The following ANKS1A variants were observed in gnomAD, a reference collection of about 807,000 sequenced individuals.
ANKS1A encodes the protein ankyrin repeat and sterile alpha motif domain containing 1A, also known as ankyrin repeat and SAM domain-containing protein 1A.
ANKS1A carries 55 observed loss-of-function variants against 120.3 expected under a neutral mutation model. The ratio of observed to expected loss-of-function variants is 0.46; its 90% CI spans 0.37 to 0.57. ANKS1A has a LOEUF of 0.57. Ranked by LOEUF, ANKS1A falls within the 20% of genes least tolerant of loss-of-function variation. The pLI is 0.00. For synonymous variants in ANKS1A, 590 were observed against 604.7 expected (o/e 0.98, Z 0.36); for missense variants, 1,123 against 1,480.3 (o/e 0.76, Z 3.96).
intron 1 of ANKS1A, among the ~76,000 whole-genome samples, chr6:34,924,090 C>CGTGTGTGT (rs71794086): frequency 0.042 from 5,981 of 143,176 alleles, 177 homozygotes; most frequent in East Asian, 0.081. Flanking sequence ...GGGGCTTTTT[C>CGTGTGTGT]GTGTGTGTGT....
intron 1 of ANKS1A, among the ~76,000 whole-genome samples, chr6:34,955,602 C>T (rs571477744): frequency 1.3e-5 from 2 of 152,220 alleles, no homozygotes; most frequent in South Asian, 4.1e-4. Flanking sequence ...CAGATATGGT[C>T]TCTAGGCCTG....
the ANKS1A span, among the ~76,000 whole-genome samples, chr6:35,097,365 C>T: frequency 3.3e-5 from 5 of 151,954 alleles, no homozygotes; most frequent in African/African-American, 9.7e-5. Flanking sequence ...AGAAATTAAC[C>T]GGGCATGGTG....
intron 10 of ANKS1A, among the ~76,000 whole-genome samples, chr6:35,017,170 T>C (rs990502969): frequency 2.0e-5 from 3 of 152,164 alleles, no homozygotes; most frequent in Non-Finnish European, 4.4e-5. Context: ...TATAGCAAGG[T>C]CTGGTCGTTA....
chr6:35,021,553 T>C (rs767858443), intron 11 of ANKS1A, among the ~76,000 whole-genome samples: 1 of 152,188 alleles, frequency 6.6e-6, no homozygotes, highest in Admixed American at 6.5e-5. Flanking sequence ...GTTTTACCAA[T>C]TAGAGATGTG....
At chr6:35,034,446 C>T (rs1401308544) in intron 11 of ANKS1A, among the ~76,000 whole-genome samples, 1 of 152,294 alleles carries the variant, frequency 6.6e-6, no homozygotes, top group East Asian at 1.9e-4. Flanking sequence ...GCAGGGCACT[C>T]ATTGACGTTA....
At chr6:34,961,977 A>C (rs1010956784) in intron 1 of ANKS1A, among the ~76,000 whole-genome samples, 10 of 152,168 alleles carry the variant, frequency 6.6e-5, no homozygotes, top group Non-Finnish European at 1.3e-4. Context: ...ATTTGGGGCA[A>C]ATAATTTGTT....
chr6:34,976,777 CGTGTGTGT>C (rs34002253), intron 3 of ANKS1A, among the ~76,000 whole-genome samples: 7 of 149,278 alleles, frequency 4.7e-5, no homozygotes, highest in South Asian at 2.1e-4. Flanking sequence ...TGTGTGTGTG[CGTGTGTGT>C]GTGTGTGTGT....
At chr6:35,013,442 G>A (rs183068906) in intron 10 of ANKS1A, among the ~76,000 whole-genome samples, 88 of 152,140 alleles carry the variant, frequency 5.8e-4, no homozygotes, top group African/African-American at 2.0e-3. Flanking sequence ...CAGCAGGTGT[G>A]CACCACCACA....
chr6:35,003,387 G>A (rs757081250), intron 10 of ANKS1A, among the ~76,000 whole-genome samples: 24 of 152,124 alleles, frequency 1.6e-4, no homozygotes, highest in Non-Finnish European at 3.2e-4. Flanking sequence ...ATTGGCTCTC[G>A]ACTACTTGCT....
At chr6:35,096,546 A>T in the ANKS1A span, among the ~76,000 whole-genome samples, 1 of 152,362 alleles carries the variant, frequency 6.6e-6, no homozygotes, top group African/African-American at 2.4e-5. Context: ...GCGTGTCTGT[A>T]AATGATTTGG....
intron 11 of ANKS1A, among the ~76,000 whole-genome samples, chr6:35,038,465 T>C (rs1775292017): frequency 6.6e-6 from 1 of 152,100 alleles, no homozygotes; most frequent in African/African-American, 2.4e-5. Flanking sequence ...CTGATTATGT[T>C]CATTCTTTCC....
intron 9 of ANKS1A, among the ~76,000 whole-genome samples, chr6:34,991,234 G>C (rs529448041): frequency 7.2e-5 from 11 of 152,254 alleles, no homozygotes; most frequent in Admixed American, 2.6e-4. Flanking sequence ...GTGCTTATCA[G>C]ATTAATGACC....
intron 1 of ANKS1A, among the ~76,000 whole-genome samples, chr6:34,890,232 C>G (rs1285892594): frequency 1.3e-5 from 2 of 152,072 alleles, no homozygotes; most frequent in Non-Finnish European, 2.9e-5. Flanking sequence ...GCTGGGATTA[C>G]AGGCGCCCGC....
At chr6:34,924,721 G>T (rs888254390) in intron 1 of ANKS1A, among the ~76,000 whole-genome samples, 4 of 152,202 alleles carry the variant, frequency 2.6e-5, no homozygotes, top group African/African-American at 9.7e-5. Flanking sequence ...ATTAGAACAA[G>T]CATCGGAATA....
intron 10 of ANKS1A, among the ~76,000 whole-genome samples, chr6:35,014,477 T>C (rs1436848354): frequency 6.6e-6 from 1 of 152,188 alleles, no homozygotes; most frequent in Middle Eastern, 3.2e-3. Context: ...CCTTGGCATG[T>C]GTCTGGTATT....
At position 34,911,943 on chromosome 6, in the gene ANKS1A, C is replaced by T. The variant is rs536618143; in HGVS notation, c.197+22344C>T. Among the ~76,000 whole-genome samples the T allele has an allele frequency of 4.6e-5, 7 of 152,178 alleles. No homozygotes were observed. The East Asian group carries it at 9.6e-4, about 21-fold the overall frequency. On this transcript the variant is annotated intron_variant, in intron 1 of 23. Transcript: ENST00000360359. ...AGTGCTGTGAGCCACCAAGAGTTTCCGCCATTCTAGTTTTCAGGTTGTGTT... is the reference window on the plus strand; with the variant it reads ...AGTGCTGTGAGCCACCAAGAGTTTCTGCCATTCTAGTTTTCAGGTTGTGTT...
rs1170815882 is a variant in ANKS1A at position 35,088,590 on chromosome 6, G to C, written c.3402-16G>C. On this transcript the variant is annotated splice_polypyrimidine_tract_variant and intron_variant, in intron 23 of 23. Transcript: ENST00000360359. ...TGGTTAACCCTTTCCTCCCCCCATTGTTTGCTTCTGCCAAGCTGAGCCACT... is the reference window on the plus strand; with the variant it reads ...TGGTTAACCCTTTCCTCCCCCCATTCTTTGCTTCTGCCAAGCTGAGCCACT... 1 of 1,614,048 alleles carries C rather than the reference G, an allele frequency of 6.2e-7. No homozygotes were observed. The highest frequency in any genetic ancestry group is 8.5e-7 in the Non-Finnish European group (1 of 1,180,020).
chr6:34,968,762 G>A (rs1007724830), intron 2 of ANKS1A, among the ~76,000 whole-genome samples: 1 of 151,496 alleles, frequency 6.6e-6, no homozygotes, highest in Non-Finnish European at 1.5e-5. Context: ...TATGAGGAGG[G>A]ATTATTGGAA....
At chr6:34,943,712 C>T (rs1448729491) in intron 1 of ANKS1A, among the ~76,000 whole-genome samples, 1 of 152,156 alleles carries the variant, frequency 6.6e-6, no homozygotes, top group Admixed American at 6.5e-5. Flanking sequence ...CTTCTTTCAC[C>T]TAACAATATG....
Sources: allele counts gnomAD v4.1 joint callset (sites outside exome capture counted in the v4.1 genomes callset), GRCh38; gene constraint gnomAD v4.1.1; transcripts MANE v1.5; gene names NCBI Gene and HGNC (gene_info 2026-07-23, HGNC 2026-07-21).